The following CANT1 variants were observed in gnomAD, a reference collection of about 807,000 sequenced individuals.
The protein encoded by CANT1 is calcium activated nucleotidase 1.
In CANT1, 26 loss-of-function variants were observed where a neutral mutation model predicts 30.0. The observed-to-expected ratio is 0.87, with a 90% confidence interval of 0.64 to 1.20. The LOEUF is 1.20. Ranked by LOEUF, CANT1 falls within the 50% of genes most tolerant of loss-of-function variation. CANT1 has a pLI of 0.00. For missense variants in CANT1, 518 were observed against 563.0 expected (o/e 0.92, Z 0.81); for synonymous variants, 246 against 251.8 (o/e 0.98, Z 0.22).
rs533116051 is a variant in CANT1, at chr17:78,993,269, G to A, written c.*281C>T. 2 of 501,452 alleles carry A rather than the reference G, an allele frequency of 4.0e-6. No individual in the cohort carries two copies. Among genetic ancestry groups the A allele is most frequent in the South Asian group, 4.3e-5 (2 of 46,988 alleles). The allele number at this position is 501,452 out of a possible 1,614,324, so 31.1% of individuals were successfully genotyped here. A position where few individuals can be genotyped will look rare whatever the true frequency, so the allele number is the denominator to read the frequency against. Reference sequence around the variant, plus strand: ...CATAGGAAAGAAAAGAAACGAGGTCGGATGGAAGAAACGACCCAGCCAGTT... The same window carrying A: ...CATAGGAAAGAAAAGAAACGAGGTCAGATGGAAGAAACGACCCAGCCAGTT... On this transcript the variant is annotated 3_prime_UTR_variant, in exon 5 of 5. Transcript: ENST00000392446. This position sits in a 1 kb window ranked among gnomAD's most constrained non-coding sequence, Gnocchi z 4.5.
Position 78,996,572 on chromosome 17 carries a change from A to G in CANT1, c.631+420T>C, listed in dbSNP as rs776348168. On this transcript the variant is annotated intron_variant, in intron 3 of 4. Transcript: ENST00000392446. The surrounding 1 kb of genome is among the most constrained non-coding windows in gnomAD (Gnocchi z 5.1). Reference sequence around the variant, plus strand: ...GTTTACCCTTCAGTAACATGAAACCAAAGTCTGGGTTTTGAGTGAGAACCA... The same window carrying G: ...GTTTACCCTTCAGTAACATGAAACCGAAGTCTGGGTTTTGAGTGAGAACCA... 2.6e-5 allele frequency among the ~76,000 whole-genome samples: 4 copies of G among 152,156 alleles called. No individual in the cohort carries two copies. The highest frequency in any genetic ancestry group is 5.9e-5 in the Non-Finnish European group (4 of 68,034).
rs1215372605 is a variant in CANT1, at chr17:78,995,356, G to GGCCCGCACCTGGCTCCC, written c.632-152_632-136dup. On this transcript the variant is annotated intron_variant, in intron 3 of 4. Transcript: ENST00000392446. This position sits in a 1 kb window ranked among gnomAD's most constrained non-coding sequence, Gnocchi z 5.7. The stretch of plus-strand genomic sequence containing the variant: ...CCGGCTCCACACCTGCCTCCCCTCC[G>GGCCCGCACCTGGCTCCC]GCCCGCACCTGGCTCCCGCCCAGGG... 39 of 949,836 alleles carry GGCCCGCACCTGGCTCCC rather than the reference G, an allele frequency of 4.1e-5. No individual in the cohort carries two copies. In the African/African-American group the frequency reaches 6.2e-4, roughly 15 times the overall value. The allele number at this position is 949,836 out of a possible 1,614,324, so 58.8% of individuals were successfully genotyped here.
In CANT1 at chr17:78,996,682, G is replaced by A. The variant is rs144438413; in HGVS notation, c.631+310C>T. 1.1e-3 allele frequency among the ~76,000 whole-genome samples: 174 copies of A among 152,314 alleles called. No individual in the cohort carries two copies. The highest frequency in any genetic ancestry group is 4.0e-3 in the African/African-American group (166 of 41,558). On this transcript the variant is annotated intron_variant, in intron 3 of 4. Transcript: ENST00000392446. This position sits in a 1 kb window ranked among gnomAD's most constrained non-coding sequence, Gnocchi z 5.1. ...GAACCTTTGAAGGTGTAAAAAGGGC[G>A]TGTTCCCAGAGGCTCCGAGAGCAGC...
rs1049655866 is a variant in CANT1, at chr17:78,996,873, C to T, written c.631+119G>A. On this transcript the variant is annotated intron_variant, in intron 3 of 4. Coordinates refer to ENST00000392446, the MANE Select transcript of CANT1 (RefSeq NM_001159773.2). This position sits in a 1 kb window ranked among gnomAD's most constrained non-coding sequence, Gnocchi z 5.1. ...TCAGAGCAAGAGGGAGACGTGCTCC[C>T]TCACCACATCCCTGGCTTCTAGGTG... The T allele has an allele frequency of 1.8e-5, 26 of 1,414,326 alleles. No homozygotes were observed. The highest frequency in any genetic ancestry group is 2.4e-5 in the Non-Finnish European group (24 of 1,011,956). The allele number at this position is 1,414,326 out of a possible 1,614,324, so 87.6% of individuals were successfully genotyped here.
At position 78,997,075 on chromosome 17, in the gene CANT1, C is replaced by T. The variant is rs773997993; in HGVS notation, c.548G>A (p.Arg183Gln). 5.3e-5 allele frequency: 85 copies of T among 1,614,100 alleles called. No individual in the cohort carries two copies. The Admixed American group carries it at 8.7e-4, about 16-fold the overall frequency. ...FNGKLYSVDD[R>Q]TGVVYQIEGS... ...TTCGATCTGGTAGACGACCCCCGTCCGGTCATCCACGGAGTAGAGTTTCCC... is the reference window on the plus strand; with the variant it reads ...TTCGATCTGGTAGACGACCCCCGTCTGGTCATCCACGGAGTAGAGTTTCCC... Residue 183 changes from arginine (R) to glutamine (Q), a missense_variant, in exon 3 of 5, where the codon CGG (arginine) becomes CAG (glutamine). Physicochemically the swap from Arg to Gln is conservative, Grantham distance 43. This residue lies in a region of CANT1 where 249 missense variants were observed against 268.8 expected (regional missense o/e 0.93). Coordinates refer to ENST00000392446, the MANE Select transcript of CANT1 (RefSeq NM_001159773.2). This position sits in a 1 kb window ranked among gnomAD's most constrained non-coding sequence, Gnocchi z 7.5.
Position 78,995,119 on chromosome 17 carries a change from G to A in CANT1, c.734C>T (p.Pro245Leu), listed in dbSNP as rs761853610. 25 of 1,613,554 alleles carry A rather than the reference G, an allele frequency of 1.5e-5. No homozygotes were observed. The highest frequency in any genetic ancestry group is 1.6e-4 in the Middle Eastern group (1 of 6,080). Residue 245 changes from proline (P) to leucine (L), a missense_variant, in exon 4 of 5, where the codon CCG (proline) becomes CTG (leucine). By Grantham distance (98) the Pro-to-Leu change is moderately conservative (BLOSUM62 -3). This residue lies in a region of CANT1 where 48 missense variants were observed against 82.5 expected (regional missense o/e 0.58). Transcript: ENST00000392446. The surrounding 1 kb of genome is among the most constrained non-coding windows in gnomAD (Gnocchi z 5.7). ...TTTGDVVNEN[P>L]EWVKVVGYKG... is the part of the protein sequence containing the mutation. ...GTAGCCCACCACCTTCACCCACTCC[G>A]GGTTCTCGTTCACCACATCACCCGT...
chr17:78,995,696 G>A lies in CANT1; in HGVS notation c.632-475C>T, dbSNP rs561341206. On this transcript the variant is annotated intron_variant, in intron 3 of 4. Coordinates refer to ENST00000392446, the MANE Select transcript of CANT1 (RefSeq NM_001159773.2). The surrounding 1 kb of genome is among the most constrained non-coding windows in gnomAD (Gnocchi z 5.7). ...AAGCTGTTTTTGCTTTTTTTAAACT[G>A]ATTTATTTAAAATAAGCCTAACTTT... is the stretch of plus-strand genomic sequence containing the variant. Among the ~76,000 whole-genome samples, 2 of 152,254 alleles carry A rather than the reference G, an allele frequency of 1.3e-5. No individual in the cohort carries two copies. The highest frequency in any genetic ancestry group is 3.9e-4 in the East Asian group (2 of 5,182).
chr17:79,008,582 T>C lies in CANT1; in HGVS notation c.-147+1082A>G, dbSNP rs2071632268. Among the ~76,000 whole-genome samples the C allele has an allele frequency of 6.6e-6, 1 of 152,180 alleles. No individual in the cohort carries two copies. The highest frequency in any genetic ancestry group is 6.5e-5 in the Admixed American group (1 of 15,276). The stretch of plus-strand genomic sequence containing the variant: ...AAAATAAGAAATGGAGCTGGGACAC[T>C]AAGAGACGGCTTTTCCAGGGGTCAC... On this transcript the variant is annotated intron_variant, in intron 1 of 4. Coordinates refer to ENST00000392446, the MANE Select transcript of CANT1 (RefSeq NM_001159773.2). This position sits in a 1 kb window ranked among gnomAD's most constrained non-coding sequence, Gnocchi z 4.4.
rs1355884551 is a variant in CANT1 at position 78,992,461 on chromosome 17, C to T, written c.*1089G>A. ...CACCCTGGAGTACACTCCAGCGAAGCCGAGGCCCAGCCAACGCTCGTGAAG... is the reference window on the plus strand; with the variant it reads ...CACCCTGGAGTACACTCCAGCGAAGTCGAGGCCCAGCCAACGCTCGTGAAG... On this transcript the variant is annotated 3_prime_UTR_variant, in exon 5 of 5. Transcript: ENST00000392446. The T allele has an allele frequency of 8.1e-6, 3 of 371,730 alleles. No homozygotes were observed. Among genetic ancestry groups the T allele is most frequent in the Non-Finnish European group, 1.6e-5 (3 of 192,708 alleles). The allele number at this position is 371,730 out of a possible 1,614,324, so 23.0% of individuals were successfully genotyped here. A position where few individuals can be genotyped will look rare whatever the true frequency, so the allele number is the denominator to read the frequency against.
intron 1 of CANT1, among the ~76,000 whole-genome samples, chr17:78,999,669 T>TG (rs1481162612): frequency 1.4e-5 from 2 of 140,428 alleles, no homozygotes; most frequent in Non-Finnish European, 3.1e-5. Flanking sequence ...TTTTTTTTTT[T>TG]GGAGACAGAG....
At chr17:79,005,503 G>C in intron 1 of CANT1, 1 of 152,170 alleles carries the variant, frequency 6.6e-6, no homozygotes, top group Non-Finnish European at 1.5e-5. Flanking sequence ...GAATAGGACA[G>C]GTGGCAGAAC....
rs375819727 is a variant in CANT1 at position 78,997,504 on chromosome 17, C to T, written c.119G>A (p.Arg40His). 3.4e-5 allele frequency: 53 copies of T among 1,574,946 alleles called. No homozygotes were observed. Among genetic ancestry groups the T allele is most frequent in the African/African-American group, 6.7e-5 (5 of 74,152 alleles). The change falls in exon 3 of 5, where the codon CGC becomes CAC. Residue 40 changes from arginine to histidine, a missense_variant. Coordinates refer to ENST00000392446, the MANE Select transcript of CANT1 (RefSeq NM_001159773.2). This position sits in a 1 kb window ranked among gnomAD's most constrained non-coding sequence, Gnocchi z 7.5. ...SMTKAADPRFRPRWKVILTFF... is the reference protein window; with the variant it reads ...SMTKAADPRFHPRWKVILTFF... ...CGTCAGGATCACCTTCCAGCGGGGG[C>T]GGAAGCGGGGGTCCGCGGCCTTGGT...
chr17:79,002,783 T>G lies in CANT1; in HGVS notation c.-146-4820A>C, dbSNP rs2071311945. ...GGATTCCAAGTCTAGTAGATCCCAA[T>G]GCCTTCCATCTGAAGGACAAACGTC... On this transcript the variant is annotated intron_variant, in intron 1 of 4. Coordinates refer to ENST00000392446, the MANE Select transcript of CANT1 (RefSeq NM_001159773.2). The surrounding 1 kb of genome is among the most constrained non-coding windows in gnomAD (Gnocchi z 4.0). 6.6e-6 allele frequency among the ~76,000 whole-genome samples: 1 copy of G among 152,246 alleles called. No homozygotes were observed.
chr17:79,009,591 G>A (rs1489589245), intron 1 of CANT1, 73 bp downstream of exon 1: 1 of 152,670 alleles, frequency 6.6e-6, no homozygotes, highest in African/African-American at 2.4e-5. Context: ...GGAGGGCGGC[G>A]GCAGGCTCCG....
At chr17:79,003,205 G>A (rs1213531036) in intron 1 of CANT1, among the ~76,000 whole-genome samples, 1 of 152,222 alleles carries the variant, frequency 6.6e-6, no homozygotes, top group Non-Finnish European at 1.5e-5. Context: ...CTAGTGACAA[G>A]AGAACTCTGT....
In CANT1 at chr17:78,995,351, C is replaced by T; in HGVS notation, c.632-130G>A. The T allele has an allele frequency of 9.9e-7, 1 of 1,009,280 alleles. No individual in the cohort carries two copies. The highest frequency in any genetic ancestry group is 1.5e-6 in the Non-Finnish European group (1 of 673,844). 62.5% of individuals were successfully genotyped at this position (1,009,280 alleles called of 1,614,324 possible). On this transcript the variant is annotated intron_variant, in intron 3 of 4. Coordinates refer to ENST00000392446, the MANE Select transcript of CANT1 (RefSeq NM_001159773.2). This position sits in a 1 kb window ranked among gnomAD's most constrained non-coding sequence, Gnocchi z 5.7. ...CCCGCCCGGCTCCACACCTGCCTCC[C>T]CTCCGGCCCGCACCTGGCTCCCGCC...
Position 78,993,385 on chromosome 17 carries a change from CGGGG to C in CANT1, c.*161_*164del. ...TTCAGACCGCGGCCTCCGTGGGGCC[CGGGG>C]GTCCAGTGCCCGCACCACTATGGGG... On this transcript the variant is annotated 3_prime_UTR_variant, in exon 5 of 5. Transcript: ENST00000392446. The surrounding 1 kb of genome is among the most constrained non-coding windows in gnomAD (Gnocchi z 4.5). 1 of 993,150 alleles carries C rather than the reference CGGGG, an allele frequency of 1.0e-6. No homozygotes were observed. The highest frequency in any genetic ancestry group is 1.5e-6 in the Non-Finnish European group (1 of 667,432). 61.5% of individuals were successfully genotyped at this position (993,150 alleles called of 1,614,324 possible).
chr17:78,993,690 G>C lies in CANT1; in HGVS notation c.1066C>G (p.Gln356Glu). 2 of 1,614,226 alleles carry C rather than the reference G, an allele frequency of 1.2e-6. No individual in the cohort carries two copies. The highest frequency in any genetic ancestry group is 1.7e-6 in the Non-Finnish European group (2 of 1,180,046). The change falls in exon 5 of 5, where the codon CAG becomes GAG. Residue 356 changes from glutamine (Q) to glutamate (E), a missense_variant. Physicochemically the swap from Gln to Glu is conservative, Grantham distance 29. This residue lies in a region of CANT1 where 221 missense variants were observed against 211.8 expected (regional missense o/e 1.04). Transcript: ENST00000392446. The surrounding 1 kb of genome is among the most constrained non-coding windows in gnomAD (Gnocchi z 4.5). The stretch of plus-strand genomic sequence containing the variant: ...TCGGATTTGAGGGCCACAATGATCT[G>C]GTCGTCGGTGTTGGGGATGAACTTG... Reference protein sequence around the residue: ...SFKFIPNTDDQIIVALKSEED... With the variant: ...SFKFIPNTDDEIIVALKSEED...
In CANT1 at chr17:78,993,590, TTGGTCTCCGGCA is replaced by T; in HGVS notation, c.1154_1165del (p.Leu385_Lys389delinsTer). On this transcript the variant is annotated stop_gained and inframe_deletion, in exon 5 of 5. Coordinates refer to ENST00000392446, the MANE Select transcript of CANT1 (RefSeq NM_001159773.2). LOFTEE classifies it high-confidence loss of function. This position sits in a 1 kb window ranked among gnomAD's most constrained non-coding sequence, Gnocchi z 4.5. Reference sequence around the variant, plus strand: ...GCCTTCGTATTTCACGCTTCCGATCTTGGTCTCCGGCAACAGGAAGCGCCCGTCCAGCGTGAA... The same window carrying T: ...GCCTTCGTATTTCACGCTTCCGATCTACAGGAAGCGCCCGTCCAGCGTGAA... 2 of 1,614,268 alleles carry T rather than the reference TTGGTCTCCGGCA, an allele frequency of 1.2e-6. No homozygotes were observed. Among genetic ancestry groups the T allele is most frequent in the Non-Finnish European group, 8.5e-7 (1 of 1,180,052 alleles).
Sources: gnomAD v4.1 joint callset for allele counts (sites outside exome capture counted in the v4.1 genomes callset) on GRCh38, gnomAD v4.1.1 for gene constraint, gnomAD v4.1.1 regional missense constraint, Gnocchi (gnomAD v3.1) non-coding constraint, MANE v1.5 for transcripts, NCBI Gene and HGNC (gene_info 2026-07-23, HGNC 2026-07-21) for gene names.